Variants in MTUS2 observed in about 807,000 individuals in gnomAD.
MTUS2 encodes microtubule associated scaffold protein 2, also known as microtubule-associated tumor suppressor candidate 2.
Under a neutral mutation model 114.1 loss-of-function variants are expected in MTUS2, and 40 were observed. That is an observed-to-expected ratio of 0.35 (90% confidence interval 0.27 to 0.46). The LOEUF (loss-of-function observed/expected upper bound fraction) is 0.46, where lower values mean the gene tolerates loss of function less well. MTUS2 is among the 20% of genes least tolerant of loss of function. The pLI is 1.00. For missense variants in MTUS2, 1,679 were observed against 1,705.4 expected (o/e 0.98, Z 0.27); for synonymous variants, 688 against 672.0 (o/e 1.02, Z -0.37).
At chr13:29,233,354 G>A (rs1475683755) in intron 5 of MTUS2, among the ~76,000 whole-genome samples, 1 of 152,136 alleles carries the variant, frequency 6.6e-6, no homozygotes, top group Non-Finnish European at 1.5e-5. Flanking sequence ...ATATCACCAG[G>A]GGGGATGATC....
rs556327972 is a variant in MTUS2, at chr13:29,183,116, T to G, written c.2644+82146T>G. On this transcript the variant is annotated intron_variant, in intron 5 of 15. Transcript: ENST00000612955. ...CATCTGGCTGCTGTGTTCTGTAGTT[T>G]TATTGCAATAATATAGGCAAGATGT... Among the ~76,000 whole-genome samples the G allele has an allele frequency of 5.3e-5, 8 of 152,304 alleles. No homozygotes were observed. In the South Asian group the frequency reaches 1.4e-3, roughly 28 times the overall value.
intron 2 of MTUS2, among the ~76,000 whole-genome samples, chr13:28,915,443 A>G (rs1880692730): frequency 6.6e-6 from 1 of 151,946 alleles, no homozygotes; most frequent in Non-Finnish European, 1.5e-5. Context: ...TTTGCTCCAT[A>G]TCCTCACTAG....
rs187077715 is a variant in MTUS2, at chr13:29,145,576, A to G, written c.2644+44606A>G. 7.1e-4 allele frequency among the ~76,000 whole-genome samples: 108 copies of G among 152,266 alleles called. 1 individual carries two copies. The highest frequency in any genetic ancestry group is 2.0e-3 in the African/African-American group (82 of 41,542). ...CATTATAAGACCAAGGCCATTTCCAATGTTCAGTTTAGGTTTGTTTTTAGT... is the reference window on the plus strand; with the variant it reads ...CATTATAAGACCAAGGCCATTTCCAGTGTTCAGTTTAGGTTTGTTTTTAGT... On this transcript the variant is annotated intron_variant, in intron 5 of 15. Transcript: ENST00000612955.
intron 2 of MTUS2, among the ~76,000 whole-genome samples, chr13:28,960,815 G>T (rs578124368): frequency 6.6e-6 from 1 of 152,050 alleles, no homozygotes; most frequent in South Asian, 2.1e-4. Flanking sequence ...ACTGAAAACC[G>T]CTGAATCATA....
chr13:29,252,765 C>T (rs1048259230), intron 5 of MTUS2, among the ~76,000 whole-genome samples: 28 of 152,238 alleles, frequency 1.8e-4, no homozygotes, highest in East Asian at 3.9e-4. Flanking sequence ...ATAAGTCTCA[C>T]GAGATCTGAT....
intron 4 of MTUS2, among the ~76,000 whole-genome samples, chr13:29,066,889 A>G (rs1244464022): frequency 6.6e-6 from 1 of 152,254 alleles, no homozygotes; most frequent in African/African-American, 2.4e-5. Flanking sequence ...AAAGTTTTCT[A>G]AGCCAAGTTG....
intron 6 of MTUS2, among the ~76,000 whole-genome samples, chr13:29,308,787 T>TTG (rs1899605882): frequency 6.6e-6 from 1 of 152,016 alleles, no homozygotes; most frequent in Non-Finnish European, 1.5e-5. Flanking sequence ...AACAAACATA[T>TTG]GAAAAAAACC....
At chr13:28,940,430 C>T (rs1882165494) in intron 2 of MTUS2, among the ~76,000 whole-genome samples, 1 of 152,068 alleles carries the variant, frequency 6.6e-6, no homozygotes, top group Non-Finnish European at 1.5e-5. Flanking sequence ...ATACAGACAG[C>T]AAATTGGTGT....
chr13:29,488,502 G>A (rs1881810134), intron 11 of MTUS2, among the ~76,000 whole-genome samples: 1 of 145,156 alleles, frequency 6.9e-6, no homozygotes, highest in Non-Finnish European at 1.5e-5. Flanking sequence ...GTGCAGTGGT[G>A]CGATCTCAGC....
intron 4 of MTUS2, among the ~76,000 whole-genome samples, chr13:29,043,593 G>A (rs748484383): frequency 3.4e-4 from 51 of 151,186 alleles, no homozygotes; most frequent in Non-Finnish European, 6.1e-4. Flanking sequence ...AGTTTTAATA[G>A]TAATTATTTT....
chr13:29,500,097 C>A (rs760778400), intron 14 of MTUS2, among the ~76,000 whole-genome samples: 17 of 152,270 alleles, frequency 1.1e-4, no homozygotes, highest in Admixed American at 5.9e-4. Flanking sequence ...ATTGGGTCAC[C>A]AGCAAACCTC....
chr13:29,481,292 C>G (rs985884770), intron 10 of MTUS2, among the ~76,000 whole-genome samples: 6 of 152,152 alleles, frequency 3.9e-5, no homozygotes, highest in Admixed American at 3.3e-4. Flanking sequence ...CTGCCACCCC[C>G]ACGGCAGCTA....
rs757418194 is a variant in MTUS2 at position 29,034,136 on chromosome 13, C to G, written c.2446+11C>G. The G allele has an allele frequency of 1.9e-6, 3 of 1,613,530 alleles. No individual in the cohort carries two copies. The highest frequency in any genetic ancestry group is 2.5e-6 in the Non-Finnish European group (3 of 1,179,508). On this transcript the variant is annotated intron_variant, in intron 4 of 15. Coordinates refer to ENST00000612955, the MANE Select transcript of MTUS2 (RefSeq NM_001033602.4). ...GTTCCGATCCTTCAGGTAACCGATC[C>G]AACAGTTTCTGCCTTTTCCTGCTGT... is the stretch of plus-strand genomic sequence containing the variant.
chr13:29,122,420 A>C (rs1214878700), intron 5 of MTUS2, among the ~76,000 whole-genome samples: 3 of 152,202 alleles, frequency 2.0e-5, no homozygotes, highest in African/African-American at 7.2e-5. Flanking sequence ...TTTCACATGG[A>C]GGCAGCAAGA....
chr13:29,462,028 A>G (rs1347502768), intron 9 of MTUS2, among the ~76,000 whole-genome samples: 1 of 152,206 alleles, frequency 6.6e-6, no homozygotes, highest in East Asian at 1.9e-4. Flanking sequence ...GAAAATCACA[A>G]GTACAAAGGC....
At chr13:28,830,885 A>C (rs1340632216) in intron 1 of MTUS2, among the ~76,000 whole-genome samples, 1 of 152,188 alleles carries the variant, frequency 6.6e-6, no homozygotes, top group Non-Finnish European at 1.5e-5. Flanking sequence ...ATGCTGAAAG[A>C]CAAAAAAACT....
chr13:29,446,682 G>A lies in MTUS2; in HGVS notation c.3184+6633G>A, dbSNP rs79217608. ...TGGGAGGATTTTACATTTGTCCCAA[G>A]TGTATCTGTAATGCAAAACGTGTTG... On this transcript the variant is annotated intron_variant, in intron 9 of 15. Coordinates refer to ENST00000612955, the MANE Select transcript of MTUS2 (RefSeq NM_001033602.4). Among the ~76,000 whole-genome samples, 294 of 152,320 alleles carry A rather than the reference G, an allele frequency of 1.9e-3. 3 individuals are homozygous for A. Among genetic ancestry groups the A allele is most frequent in the Middle Eastern group, 6.8e-3 (2 of 294 alleles).
intron 2 of MTUS2, among the ~76,000 whole-genome samples, chr13:28,939,633 A>G (rs747957612): frequency 3.3e-5 from 5 of 152,040 alleles, no homozygotes; most frequent in African/African-American, 4.8e-5. Context: ...TGCTATTGCA[A>G]TTTTTCCAAA....
intron 8 of MTUS2, among the ~76,000 whole-genome samples, chr13:29,371,399 G>A (rs1395047141): frequency 6.6e-6 from 1 of 151,928 alleles, no homozygotes; most frequent in Non-Finnish European, 1.5e-5. Context: ...TGTATTTTTA[G>A]TAGAGATGGG....
Sources: gnomAD v4.1 joint callset for allele counts (sites outside exome capture counted in the v4.1 genomes callset) on GRCh38, gnomAD v4.1.1 for gene constraint, MANE v1.5 for transcripts, NCBI Gene and HGNC (gene_info 2026-07-23, HGNC 2026-07-21) for gene names.